Variants in ZC3H4 observed in about 807,000 individuals in gnomAD.
ZC3H4 encodes the protein zinc finger CCCH-type containing 4.
ZC3H4 carries 13 observed loss-of-function variants against 108.3 expected under a neutral mutation model. The ratio of observed to expected loss-of-function variants is 0.12; its 90% CI spans 0.08 to 0.19. ZC3H4 has a LOEUF of 0.19. Among genes scored for constraint, ZC3H4 ranks in the 10% least tolerant of loss-of-function variants. The probability of loss-of-function intolerance (pLI) is 1.00; values close to 1 mark genes in which losing one functional copy is unlikely to be tolerated. For missense variants in ZC3H4, 1,734 were observed against 1,838.8 expected, an observed-to-expected ratio of 0.94 and a Z score of 1.04; for synonymous variants, 917 against 749.6, an observed-to-expected ratio of 1.22 and a Z score of -3.65.
chr19:47,066,769 T>C lies in ZC3H4; in HGVS notation c.3499A>G (p.Thr1167Ala). The stretch of plus-strand genomic sequence containing the variant: ...TCAGCACCCTTGGGCTGGGCACCCG[T>C]GTCAGCAGCCGGCTCTGTGGCTTTG... ...GGKATEPAADTGAQPKGAEGN... is the reference protein window; with the variant it reads ...GGKATEPAADAGAQPKGAEGN... Residue 1167 changes from threonine to alanine, a missense_variant, in exon 15 of 15, where the codon ACG becomes GCG. By Grantham distance (58) the Thr-to-Ala change is moderately conservative (BLOSUM62 0). Coordinates refer to ENST00000253048, the MANE Select transcript of ZC3H4 (RefSeq NM_015168.2). The C allele has an allele frequency of 6.2e-7, 1 of 1,603,084 alleles. No homozygotes were observed. The highest frequency in any genetic ancestry group is 1.1e-5 in the South Asian group (1 of 90,292).
At chr19:47,092,533 C>T (rs934075631) in intron 4 of ZC3H4, among the ~76,000 whole-genome samples, 1 of 152,116 alleles carries the variant, frequency 6.6e-6, no homozygotes, top group Non-Finnish European at 1.5e-5. Context: ...CATTTCTCAA[C>T]CAGCCGGGCA....
At chr19:47,112,295 C>T (rs2058050398) in intron 2 of ZC3H4, 129 bp downstream of exon 2, 3 of 1,126,196 alleles carry the variant, frequency 2.7e-6, no homozygotes, top group African/African-American at 1.6e-5. Flanking sequence ...ACCCACCGAC[C>T]CCGCCCTTCC....
At chr19:47,110,199 C>G (rs576024422) in intron 2 of ZC3H4, among the ~76,000 whole-genome samples, 1 of 151,916 alleles carries the variant, frequency 6.6e-6, no homozygotes, top group South Asian at 2.1e-4. Context: ...CTACTTGAAC[C>G]AATCTTTTTT....
intron 11 of ZC3H4, 49 bp downstream of exon 11, chr19:47,081,464 G>C: frequency 7.0e-7 from 1 of 1,423,576 alleles, no homozygotes; most frequent in Non-Finnish European, 9.9e-7. Context: ...AATGGAGTGC[G>C]CATGTCCCAG....
chr19:47,071,965 CGGCATGTCTGCG>C lies in ZC3H4; in HGVS notation c.1947_1958del (p.His649_Pro653delinsGln), dbSNP rs2057334531. The C allele has an allele frequency of 1.2e-6, 2 of 1,611,934 alleles. No homozygotes were observed. The highest frequency in any genetic ancestry group is 1.7e-4 in the Middle Eastern group (1 of 6,056). ...GGCCAGGATTCATGCCAGGGCCCAT[CGGCATGTCTGCG>C]TGCATGTCTGCGTGCATGTCAGGGT... On this transcript the variant is annotated inframe_deletion, in exon 13 of 15. Coordinates refer to ENST00000253048, the MANE Select transcript of ZC3H4 (RefSeq NM_015168.2).
intron 11 of ZC3H4, among the ~76,000 whole-genome samples, chr19:47,076,139 G>A (rs952691249): frequency 1.3e-5 from 2 of 152,208 alleles, no homozygotes; most frequent in Admixed American, 6.5e-5. Flanking sequence ...CTGTTGCCTC[G>A]AACTGGAAAC....
intron 6 of ZC3H4, 145 bp downstream of exon 6, chr19:47,086,239 A>G (rs1236876564): frequency 3.4e-6 from 3 of 886,394 alleles, no homozygotes; most frequent in African/African-American, 1.7e-5. Context: ...TTTTAAACAC[A>G]TACATCTGCG....
chr19:47,077,980 T>C (rs566709436), intron 11 of ZC3H4, among the ~76,000 whole-genome samples: 1 of 151,408 alleles, frequency 6.6e-6, no homozygotes, highest in South Asian at 2.1e-4. Flanking sequence ...TTTCAGAAAA[T>C]ATTGCTCTCT....
intron 2 of ZC3H4, among the ~76,000 whole-genome samples, chr19:47,107,771 A>T (rs573598944): frequency 6.6e-6 from 1 of 152,158 alleles, no homozygotes; most frequent in East Asian, 1.9e-4. Flanking sequence ...GATGTGCCAG[A>T]AATCTATTTA....
rs375487722 is a variant in ZC3H4, at chr19:47,071,962, C to T, written c.1962G>A (p.Met654Ile). 1.5e-4 allele frequency: 239 copies of T among 1,612,420 alleles called. No individual in the cohort carries two copies. The highest frequency in any genetic ancestry group is 1.9e-4 in the Non-Finnish European group (226 of 1,179,292). Residue 654 changes from methionine (M) to isoleucine (I), a missense_variant, in exon 13 of 15, where the codon ATG becomes ATA. This residue lies in a region of ZC3H4 where 540 missense variants were observed against 484.1 expected (regional missense o/e 1.12). Coordinates refer to ENST00000253048, the MANE Select transcript of ZC3H4 (RefSeq NM_015168.2). Reference sequence around the variant, plus strand: ...GTGGGCCAGGATTCATGCCAGGGCCCATCGGCATGTCTGCGTGCATGTCTG... The same window carrying T: ...GTGGGCCAGGATTCATGCCAGGGCCTATCGGCATGTCTGCGTGCATGTCTG... Reference protein sequence around the residue: ...MHADMHADMPMGPGMNPGPPM... With the variant: ...MHADMHADMPIGPGMNPGPPM...
chr19:47,087,270 C>T (rs2057645840), intron 5 of ZC3H4, among the ~76,000 whole-genome samples: 2 of 147,992 alleles, frequency 1.4e-5, no homozygotes, highest in South Asian at 2.2e-4. Context: ...AGTGAGACCC[C>T]GTCTCTCACA....
At chr19:47,082,482 T>A (rs1000633553) in intron 9 of ZC3H4, among the ~76,000 whole-genome samples, 187 bp from the exon 10 acceptor site, 4 of 152,170 alleles carry the variant, frequency 2.6e-5, no homozygotes, top group Admixed American at 6.5e-5. Context: ...ACTAATTTTT[T>A]AAATATTTTT....
intron 2 of ZC3H4, among the ~76,000 whole-genome samples, chr19:47,099,821 TAAAAAAAAA>T (rs34876026): frequency 6.8e-5 from 7 of 103,154 alleles, no homozygotes; most frequent in African/African-American, 2.1e-4. Context: ...TACAAGAGTT[TAAAAAAAAA>T]AAAAAAAAAA....
intron 5 of ZC3H4, 117 bp from the exon 6 acceptor site, chr19:47,086,655 C>A (rs1479901917): frequency 7.5e-6 from 10 of 1,339,042 alleles, no homozygotes; most frequent in Non-Finnish European, 9.7e-6. Context: ...TCCTCCTTCT[C>A]CTCCTCCTCC....
intron 1 of ZC3H4, among the ~76,000 whole-genome samples, chr19:47,113,003 ATT>A (rs2058060631): frequency 6.6e-6 from 1 of 152,078 alleles, no homozygotes; most frequent in African/African-American, 2.4e-5. Context: ...GAAAAAAAGG[ATT>A]TGAGGGAGAG....
chr19:47,112,209 C>A (rs1316056581), intron 2 of ZC3H4: 1 of 1,201,282 alleles, frequency 8.3e-7, no homozygotes, highest in Non-Finnish European at 1.0e-6. Flanking sequence ...GGGCGAGCGC[C>A]GCGAGGGGGG....
intron 13 of ZC3H4, among the ~76,000 whole-genome samples, chr19:47,070,474 T>G (rs1371156342): frequency 6.6e-6 from 1 of 152,066 alleles, no homozygotes; most frequent in Non-Finnish European, 1.5e-5. Flanking sequence ...GAAATGGGAT[T>G]ATTCTAGAGA....
In ZC3H4 at chr19:47,066,921, G is replaced by A. The variant is rs984534366; in HGVS notation, c.3347C>T (p.Pro1116Leu). Residue 1116 changes from proline to leucine, a missense_variant, in exon 15 of 15, where the codon CCA (proline) becomes CTA (leucine). Physicochemically the swap from Pro to Leu is moderately conservative, Grantham distance 98. This residue lies in a region of ZC3H4 where 518 missense variants were observed against 499.6 expected (regional missense o/e 1.04). Transcript: ENST00000253048. Reference protein sequence around the residue: ...TASPSGDASPPATAPYDPRVL... With the variant: ...TASPSGDASPLATAPYDPRVL... ...GCGGGGGTCGTAGGGAGCGGTGGCT[G>A]GTGGGGAGGCATCCCCACTCGGGCT... 9.4e-6 allele frequency: 15 copies of A among 1,596,098 alleles called. No individual in the cohort carries two copies. In the Admixed American group the frequency reaches 1.5e-4, roughly 16 times the overall value.
intron 11 of ZC3H4, among the ~76,000 whole-genome samples, chr19:47,080,080 C>T (rs1452855450): frequency 6.6e-6 from 1 of 152,122 alleles, no homozygotes; most frequent in Non-Finnish European, 1.5e-5. Context: ...ACTCTGGAAG[C>T]CGGCAGATGT....
Sources: gnomAD v4.1 joint callset for allele counts (sites outside exome capture counted in the v4.1 genomes callset) on GRCh38, gnomAD v4.1.1 for gene constraint, gnomAD v4.1.1 regional missense constraint, MANE v1.5 for transcripts, NCBI Gene and HGNC (gene_info 2026-07-23, HGNC 2026-07-21) for gene names.